GPM6B: variants seen among roughly 807,000 people sequenced by gnomAD.
The protein encoded by GPM6B is neuronal membrane glycoprotein M6-b.
GPM6B carries 4 observed loss-of-function variants against 27.2 expected under a neutral mutation model. That is an observed-to-expected ratio of 0.15 (90% CI 0.07 to 0.34). GPM6B has a LOEUF of 0.34. Ranked by LOEUF, GPM6B falls within the 10% of genes least tolerant of loss-of-function variation. The pLI, the probability that GPM6B is intolerant of heterozygous loss-of-function variation, is 1.00. For synonymous variants in GPM6B, 124 were observed against 103.1 expected (o/e 1.20, Z -1.23); for missense variants, 183 against 261.9 (o/e 0.70, Z 2.08).
intron 1 of GPM6B, among the ~76,000 whole-genome samples, chrX:13,926,433 A>G (rs1465486986): frequency 3.2e-3 from 61 of 19,349 alleles, no homozygotes; most frequent in Non-Finnish European, 6.6e-3. Flanking sequence ...AACAAAAAAA[A>G]AAAACACACA....
At chrX:13,917,986 TAC>T (rs2050444654) in intron 1 of GPM6B, among the ~76,000 whole-genome samples, 1 of 112,797 alleles carries the variant, frequency 8.9e-6, no homozygotes, top group African/African-American at 3.2e-5. Context: ...AAATTGTTAA[TAC>T]AGTCATTAAG....
At position 13,921,909 on chromosome X, in the gene GPM6B, G is replaced by T. The variant is rs1035013902; in HGVS notation, c.-198+16418C>A. On this transcript the variant is annotated intron_variant, in intron 1 of 6. Transcript: ENST00000398361. The stretch of plus-strand genomic sequence containing the variant: ...ACTTTTAATAATATGGAGGTTAAGG[G>T]GTATTACATGCAGAAATTTCTAGGG... Among the ~76,000 whole-genome samples the T allele has an allele frequency of 3.6e-5, 4 of 111,521 alleles. No homozygotes were observed. In the Admixed American group the frequency reaches 3.8e-4, roughly 11 times the overall value.
chrX:13,806,008 C>T (rs111909598), intron 2 of GPM6B, among the ~76,000 whole-genome samples: 2,567 of 110,902 alleles, frequency 0.023, 39 homozygotes, highest in Non-Finnish European at 0.036. Flanking sequence ...TTTTCAAAAG[C>T]AGCTTTACTG....
intron 1 of GPM6B, among the ~76,000 whole-genome samples, chrX:13,901,177 G>A (rs1285971842): frequency 4.5e-5 from 5 of 111,791 alleles, no homozygotes; most frequent in African/African-American, 1.6e-4. Context: ...GAGGTAAGGA[G>A]CACTGAATTG....
chrX:13,785,546 C>T, intron 3 of GPM6B, 76 bp downstream of exon 3: 3 of 1,014,319 alleles, frequency 3.0e-6, no homozygotes, highest in Non-Finnish European at 4.1e-6. Context: ...CCTCAGCCTC[C>T]CAAATTGCTG....
At position 13,824,494 on chromosome X, in the gene GPM6B, G is replaced by C. The variant is rs137958889; in HGVS notation, c.-197-38686C>G. On this transcript the variant is annotated intron_variant, in intron 1 of 6. Transcript: ENST00000398361. ...TTCCAATATGCAGCCAACTGCTGGA[G>C]GCAGGAGGGAAACAGACAAAGTGTG... 2.1e-3 allele frequency among the ~76,000 whole-genome samples: 234 copies of C among 111,871 alleles called. 1 individual carries two copies. The highest frequency in any genetic ancestry group is 7.2e-3 in the African/African-American group (221 of 30,785).
intron 1 of GPM6B, among the ~76,000 whole-genome samples, chrX:13,846,412 T>G (rs1314122062): frequency 8.9e-6 from 1 of 112,135 alleles, no homozygotes; most frequent in Non-Finnish European, 1.9e-5. Context: ...TGTTTTCTTA[T>G]CTATATAGAG....
chrX:13,779,800 T>G lies in GPM6B; in HGVS notation c.697+18A>C. The G allele has an allele frequency of 4.5e-6, 5 of 1,121,365 alleles. No individual in the cohort carries two copies. The highest frequency in any genetic ancestry group is 1.8e-5 in the African/African-American group (1 of 55,315). The allele number at this position is 1,121,365 out of a possible 1,213,427, so 92.4% of individuals were successfully genotyped here. ...GATAATGAAATAACTGGGGGAGGGG[T>G]GAATTAGAAGGAAGTACCGTATTGT... is the stretch of plus-strand genomic sequence containing the variant. On this transcript the variant is annotated intron_variant, in intron 5 of 7. Coordinates refer to ENST00000316715, the MANE Select transcript of GPM6B (RefSeq NM_001001995.3).
At chrX:13,913,432 C>T (rs769329411) in intron 1 of GPM6B, among the ~76,000 whole-genome samples, 30 of 111,210 alleles carry the variant, frequency 2.7e-4, no homozygotes, top group Non-Finnish European at 4.2e-4. Flanking sequence ...GGACTGCAGG[C>T]GTAAGCCACC....
At chrX:13,794,403 G>A (rs2048771198) in intron 2 of GPM6B, among the ~76,000 whole-genome samples, 1 of 111,071 alleles carries the variant, frequency 9.0e-6, no homozygotes, top group Admixed American at 9.6e-5. Flanking sequence ...GTCTGGAAAG[G>A]ACATTGAGCT....
chrX:13,804,889 G>C (rs1333785431), intron 2 of GPM6B, among the ~76,000 whole-genome samples: 7 of 110,239 alleles, frequency 6.3e-5, no homozygotes, highest in African/African-American at 2.3e-4. Flanking sequence ...TCTAAGTATA[G>C]AATGGCAACG....
chrX:13,895,985 A>C (rs1267603611), intron 1 of GPM6B, among the ~76,000 whole-genome samples: 10 of 87,303 alleles, frequency 1.1e-4, no homozygotes, highest in African/African-American at 4.2e-4. Flanking sequence ...TGCTAGAAAA[A>C]CTTTTTTTTT....
chrX:13,845,048 GGTGTGATCTTGGCTCAC>G (rs1405804146), intron 1 of GPM6B, among the ~76,000 whole-genome samples: 3 of 105,654 alleles, frequency 2.8e-5, no homozygotes, highest in African/African-American at 1.0e-4. Flanking sequence ...GGAGTGCAGT[GGTGTGATCTTGGCTCAC>G]GGCAACCTCC....
intron 1 of GPM6B, among the ~76,000 whole-genome samples, chrX:13,929,050 G>A (rs190753938): frequency 8.9e-6 from 1 of 111,942 alleles, no homozygotes; most frequent in African/African-American, 3.2e-5. Context: ...GACTAAGGAC[G>A]GAACGTGCAG....
chrX:13,773,016 C>T lies in GPM6B; in HGVS notation c.852G>A (p.Met284Ile). The change falls in exon 8 of 8, where the codon ATG (methionine) becomes ATA (isoleucine). Residue 284 changes from methionine (M) to isoleucine (I), a missense_variant. Coordinates refer to ENST00000316715, the MANE Select transcript of GPM6B (RefSeq NM_001001995.3). ...AGTAAGCCCAGTTAGAAGACAGTAT[C>T]ATGAGGAAGTGGATCTGGAAGAGAA... ...ATVIALIHFL[M>I]ILSSNWAYLK... 8.3e-7 allele frequency: 1 copy of T among 1,209,756 alleles called. No individual in the cohort carries two copies.
Position 13,772,370 on chromosome X carries a change from A to G in GPM6B, c.*511T>C, listed in dbSNP as rs983628870. ...TTGAGAAATCAATCATAAGAATCAC[A>G]TTATCTTTGATCCAAAGTTTAATAA... On this transcript the variant is annotated 3_prime_UTR_variant, in exon 8 of 8. Coordinates refer to ENST00000316715, the MANE Select transcript of GPM6B (RefSeq NM_001001995.3). 1.8e-5 allele frequency: 2 copies of G among 112,507 alleles called. No individual in the cohort carries two copies. The highest frequency in any genetic ancestry group is 6.5e-5 in the African/African-American group (2 of 30,878). The allele number at this position is 112,507 out of a possible 1,213,427, so 9.3% of individuals were successfully genotyped here.
At chrX:13,863,513 G>C (rs1445702608) in intron 1 of GPM6B, among the ~76,000 whole-genome samples, 1 of 111,696 alleles carries the variant, frequency 9.0e-6, no homozygotes, top group Non-Finnish European at 1.9e-5. Context: ...ACAAGCAAAA[G>C]TAAGCTAAGA....
intron 1 of GPM6B, among the ~76,000 whole-genome samples, chrX:13,854,459 G>T (rs1296752971): frequency 9.0e-6 from 1 of 111,631 alleles, no homozygotes; most frequent in African/African-American, 3.3e-5. Flanking sequence ...TTAACTGAAG[G>T]TTTCTCTCCA....
chrX:13,803,545 G>C (rs770025466), intron 2 of GPM6B, among the ~76,000 whole-genome samples: 1 of 112,072 alleles, frequency 8.9e-6, no homozygotes, highest in Non-Finnish European at 1.9e-5. Flanking sequence ...TATGTGAAGT[G>C]GGTGGTTATT....
Sources: gnomAD v4.1 joint callset for allele counts (sites outside exome capture counted in the v4.1 genomes callset) on GRCh38, gnomAD v4.1.1 for gene constraint, MANE v1.5 for transcripts, NCBI Gene and HGNC (gene_info 2026-07-23, HGNC 2026-07-21) for gene names.